The following DAGLA variants were observed in gnomAD, a reference collection of about 807,000 sequenced individuals.
DAGLA encodes diacylglycerol lipase-alpha.
A neutral mutation model predicts 102.6 loss-of-function variants in DAGLA; 22 were observed. The ratio of observed to expected loss-of-function variants is 0.21; its 90% CI spans 0.15 to 0.31. The LOEUF is 0.31. Among genes scored for constraint, DAGLA ranks in the 10% least tolerant of loss-of-function variants. DAGLA has a pLI of 1.00. For missense variants in DAGLA, 927 were observed against 1,446.6 expected (o/e 0.64, Z 5.83); for synonymous variants, 578 against 628.9 (o/e 0.92, Z 1.21).
At chr11:61,705,613 T>C (rs928118548) in intron 1 of DAGLA, among the ~76,000 whole-genome samples, 16 of 152,348 alleles carry the variant, frequency 1.1e-4, no homozygotes, top group African/African-American at 3.6e-4. Context: ...TTTTCTTTGT[T>C]GTATGTGAAG....
intron 1 of DAGLA, 89 bp from the exon 2 acceptor site, chr11:61,720,023 C>A: frequency 1.2e-6 from 1 of 866,312 alleles, no homozygotes; most frequent in South Asian, 1.6e-5. Flanking sequence ...CTGGCCACAC[C>A]GGGGACTGGT....
chr11:61,683,427 C>T (rs1409372039), intron 1 of DAGLA, among the ~76,000 whole-genome samples: 2 of 152,222 alleles, frequency 1.3e-5, no homozygotes, highest in Non-Finnish European at 2.9e-5. Flanking sequence ...CATACCTCCC[C>T]CGAGGAGTTG....
At chr11:61,700,130 G>A (rs1380313919) in intron 1 of DAGLA, among the ~76,000 whole-genome samples, 5 of 152,230 alleles carry the variant, frequency 3.3e-5, no homozygotes, top group South Asian at 2.1e-4. Context: ...AGCAGCAGCC[G>A]GACTGTCAGT....
intron 1 of DAGLA, among the ~76,000 whole-genome samples, chr11:61,691,175 C>T (rs2065021859): frequency 6.6e-6 from 1 of 152,226 alleles, no homozygotes; most frequent in Admixed American, 6.5e-5. Flanking sequence ...AGGCTTCCGG[C>T]AGCAATAACA....
At chr11:61,682,604 G>C (rs1407769751) in intron 1 of DAGLA, among the ~76,000 whole-genome samples, 1 of 152,238 alleles carries the variant, frequency 6.6e-6, no homozygotes, top group Non-Finnish European at 1.5e-5. Flanking sequence ...TGCCAGGGTA[G>C]GTCTGGGAGG....
At chr11:61,681,892 A>G (rs1227639087) in intron 1 of DAGLA, among the ~76,000 whole-genome samples, 1 of 152,202 alleles carries the variant, frequency 6.6e-6, no homozygotes, top group Non-Finnish European at 1.5e-5. Flanking sequence ...AGCAATTTGC[A>G]GCTCCTCCTA....
intron 3 of DAGLA, among the ~76,000 whole-genome samples, chr11:61,722,598 G>T (rs1761132528): frequency 6.6e-6 from 1 of 152,194 alleles, no homozygotes. Flanking sequence ...GATGCCCCGG[G>T]GACTTGAGAG....
At position 61,731,482 on chromosome 11, in the gene DAGLA, C is replaced by T. The variant is rs371188063; in HGVS notation, c.974+41C>T. On this transcript the variant is annotated intron_variant, in intron 9 of 19. Transcript: ENST00000257215. ...CCATCCCCCAGCGATTGCACCTCTC[C>T]TCCCGGGTGGTGTGTGAGGAAGGGC... 25 of 1,607,574 alleles carry T rather than the reference C, an allele frequency of 1.6e-5. No individual in the cohort carries two copies. In the African/African-American group the frequency reaches 2.8e-4, roughly 18 times the overall value.
chr11:61,738,072 C>T, intron 15 of DAGLA, 63 bp from the exon 16 acceptor site: 1 of 1,360,744 alleles, frequency 7.3e-7, no homozygotes, highest in South Asian at 1.2e-5. Context: ...CCGCCCCTGG[C>T]CCCATACCTC....
chr11:61,702,278 G>A (rs137985847), intron 1 of DAGLA, among the ~76,000 whole-genome samples: 1 of 151,976 alleles, frequency 6.6e-6, no homozygotes, highest in Non-Finnish European at 1.5e-5. Context: ...GTTAGGTTTC[G>A]AACTTAGTTC....
chr11:61,745,521 T>C lies in DAGLA; in HGVS notation c.*1032T>C, dbSNP rs894564700. ...AGGCCTTCCTCCCTCCCACCCCCAA[T>C]GTCCTGTTGGTAGGAGGTGGGGCCA... On this transcript the variant is annotated 3_prime_UTR_variant, in exon 20 of 20. Transcript: ENST00000257215. 10 of 152,696 alleles carry C rather than the reference T, an allele frequency of 6.5e-5. No individual in the cohort carries two copies. Among genetic ancestry groups the C allele is most frequent in the African/African-American group, 2.4e-4 (10 of 41,528 alleles). The allele number at this position is 152,696 out of a possible 1,614,324, so 9.5% of individuals were successfully genotyped here.
In DAGLA at chr11:61,744,832, C is replaced by T. The variant is rs914575067; in HGVS notation, c.*343C>T. On this transcript the variant is annotated 3_prime_UTR_variant, in exon 20 of 20. Coordinates refer to ENST00000257215, the MANE Select transcript of DAGLA (RefSeq NM_006133.3). The stretch of plus-strand genomic sequence containing the variant: ...CCAGGACAGGCCATGGGCAAGCTGC[C>T]TCCCATCACTGCCTGCTGGCTGCTC... 8.2e-6 allele frequency: 2 copies of T among 243,822 alleles called. No homozygotes were observed. Among genetic ancestry groups the T allele is most frequent in the East Asian group, 8.4e-5 (1 of 11,904 alleles). 15.1% of individuals were successfully genotyped at this position (243,822 alleles called of 1,614,324 possible).
At position 61,689,869 on chromosome 11, in the gene DAGLA, G is replaced by A. The variant is rs115248592; in HGVS notation, c.-45+9365G>A. ...AACTTTTCCTCTCTGAGGCCTTTAG[G>A]GGAAGCCAGTTTCTTCCTCAGATTC... On this transcript the variant is annotated intron_variant, in intron 1 of 19. Transcript: ENST00000257215. Among the ~76,000 whole-genome samples the A allele has an allele frequency of 1.5e-3, 231 of 152,114 alleles. 1 individual carries two copies. The highest frequency in any genetic ancestry group is 5.2e-3 in the African/African-American group (217 of 41,498).
At chr11:61,732,987 C>G (rs2065389361) in intron 9 of DAGLA, among the ~76,000 whole-genome samples, 1 of 152,234 alleles carries the variant, frequency 6.6e-6, no homozygotes, top group Admixed American at 6.5e-5. Flanking sequence ...GACTGGTCCT[C>G]CTGGCCCACA....
At chr11:61,713,299 C>T (rs2065209152) in intron 1 of DAGLA, among the ~76,000 whole-genome samples, 1 of 152,170 alleles carries the variant, frequency 6.6e-6, no homozygotes. Flanking sequence ...GGGTTCTGGG[C>T]CTAGGCTGTG....
intron 19 of DAGLA, 50 bp from the exon 20 acceptor site, chr11:61,743,481 TC>T: frequency 7.0e-7 from 1 of 1,419,772 alleles, no homozygotes; most frequent in South Asian, 1.4e-5. Flanking sequence ...TGGGGTTCAG[TC>T]CCCTCTCCCT....
At chr11:61,739,307 C>T (rs1037855709) in intron 16 of DAGLA, among the ~76,000 whole-genome samples, 158 bp from the exon 17 acceptor site, 2 of 152,116 alleles carry the variant, frequency 1.3e-5, no homozygotes, top group African/African-American at 4.8e-5. Context: ...AGGTGGGCAC[C>T]GACCTTTAAT....
chr11:61,718,862 C>G (rs2065258940), intron 1 of DAGLA, among the ~76,000 whole-genome samples: 2 of 152,206 alleles, frequency 1.3e-5, no homozygotes, highest in Non-Finnish European at 2.9e-5. Context: ...CGCCCTCTCG[C>G]CCACCCTGGG....
At position 61,731,518 on chromosome 11, in the gene DAGLA, C is replaced by T. The variant is rs1162798838; in HGVS notation, c.974+77C>T. Reference sequence around the variant, plus strand: ...TGTGTGAGGAAGGGCTACCGGGCTGCGCCTACTGCTTTGCCCTGAATGGCT... The same window carrying T: ...TGTGTGAGGAAGGGCTACCGGGCTGTGCCTACTGCTTTGCCCTGAATGGCT... On this transcript the variant is annotated intron_variant, in intron 9 of 19. Transcript: ENST00000257215. The T allele has an allele frequency of 5.7e-6, 9 of 1,576,914 alleles. No individual in the cohort carries two copies. The African/African-American group carries it at 8.1e-5, about 14-fold the overall frequency.
Sources: gnomAD v4.1 joint callset for allele counts (sites outside exome capture counted in the v4.1 genomes callset) on GRCh38, gnomAD v4.1.1 for gene constraint, MANE v1.5 for transcripts, NCBI Gene and HGNC (gene_info 2026-07-23, HGNC 2026-07-21) for gene names.